ASCC2: variants seen among roughly 807,000 people sequenced by gnomAD.
ASCC2 encodes the protein activating signal cointegrator 1 complex subunit 2.
ASCC2 carries 42 observed loss-of-function variants against 93.5 expected under a neutral mutation model. The ratio of observed to expected loss-of-function variants is 0.45; its 90% confidence interval spans 0.35 to 0.58. The LOEUF (loss-of-function observed/expected upper bound fraction) is 0.58. Ranked by LOEUF, ASCC2 falls within the 20% of genes least tolerant of loss-of-function variation. The pLI is 0.00. For missense variants in ASCC2, 859 were observed against 977.6 expected (o/e 0.88, Z 1.62); for synonymous variants, 364 against 384.2 (o/e 0.95, Z 0.62).
intron 2 of ASCC2, among the ~76,000 whole-genome samples, chr22:29,831,843 G>A (rs983670989): frequency 3.9e-5 from 6 of 152,118 alleles, no homozygotes; most frequent in Admixed American, 6.6e-5. Context: ...TGAAATCAGC[G>A]TTCCCACCAA....
intron 5 of ASCC2, 139 bp from the exon 6 acceptor site, chr22:29,816,212 C>T (rs747148694): frequency 1.4e-5 from 10 of 724,622 alleles, no homozygotes; most frequent in Middle Eastern, 2.9e-4. Flanking sequence ...GGACCTAGGA[C>T]GAGTCCTGGC....
chr22:29,830,532 C>T (rs2062997866), intron 2 of ASCC2, among the ~76,000 whole-genome samples: 1 of 151,368 alleles, frequency 6.6e-6, no homozygotes, highest in South Asian at 2.1e-4. Flanking sequence ...AAGCCCTTTC[C>T]TTCAGGAAGC....
intron 1 of ASCC2, 149 bp from the exon 2 acceptor site, chr22:29,832,491 C>G (rs769045570): frequency 1.8e-6 from 1 of 569,264 alleles, no homozygotes; most frequent in East Asian, 2.9e-5. Context: ...GGTTCATGCA[C>G]CTACTAACCC....
At chr22:29,812,004 C>T (rs2060328156) in intron 8 of ASCC2, among the ~76,000 whole-genome samples, 1 of 152,216 alleles carries the variant, frequency 6.6e-6, no homozygotes, top group South Asian at 2.1e-4. Context: ...TGGACAGCTA[C>T]ATACCCCTCT....
rs774950302 is a variant in ASCC2 at position 29,793,688 on chromosome 22, C to G, written c.1689-12G>C. On this transcript the variant is annotated splice_polypyrimidine_tract_variant and intron_variant, in intron 15 of 19. Transcript: ENST00000307790. ...CCTCCTTCCTGGTGCTGAGAAGGAA[C>G]AGCAGAAAGAGAGGAAGGAAAACCA... 1 of 1,550,170 alleles carries G rather than the reference C, an allele frequency of 6.5e-7. No individual in the cohort carries two copies. Among genetic ancestry groups the G allele is most frequent in the South Asian group, 1.2e-5 (1 of 84,640 alleles).
At chr22:29,818,547 G>A (rs943409684) in intron 5 of ASCC2, among the ~76,000 whole-genome samples, 1 of 151,626 alleles carries the variant, frequency 6.6e-6, no homozygotes, top group African/African-American at 2.4e-5. Context: ...CCAAAGAAGG[G>A]GCTCTTCTTA....
intron 2 of ASCC2, among the ~76,000 whole-genome samples, chr22:29,831,386 G>T (rs1376162090): frequency 2.0e-5 from 3 of 152,202 alleles, no homozygotes; most frequent in Non-Finnish European, 4.4e-5. Flanking sequence ...CAATCAAAAT[G>T]TCTATTTGTA....
chr22:29,823,374 T>C (rs1014630850), intron 4 of ASCC2, among the ~76,000 whole-genome samples: 1 of 152,228 alleles, frequency 6.6e-6, no homozygotes, highest in African/African-American at 2.4e-5. Flanking sequence ...AAGCATGCTA[T>C]AAAACAATCA....
At chr22:29,821,267 C>T (rs1291139644) in intron 5 of ASCC2, among the ~76,000 whole-genome samples, 3 of 152,148 alleles carry the variant, frequency 2.0e-5, no homozygotes, top group Admixed American at 6.5e-5. Flanking sequence ...GGCTAATGTC[C>T]GTTCCTTTTG....
chr22:29,795,019 G>A (rs1024248225), intron 15 of ASCC2, among the ~76,000 whole-genome samples: 2 of 151,870 alleles, frequency 1.3e-5, no homozygotes, highest in Non-Finnish European at 2.9e-5. Context: ...CCGCCTCCTG[G>A]GCTCAAGCGA....
chr22:29,832,138 T>C (rs1267464447), intron 2 of ASCC2, 107 bp downstream of exon 2: 7 of 940,530 alleles, frequency 7.4e-6, no homozygotes, highest in Non-Finnish European at 8.2e-6. Context: ...TCACCGACCA[T>C]GGCCCTCGTG....
At chr22:29,820,763 C>T (rs1466035422) in intron 5 of ASCC2, among the ~76,000 whole-genome samples, 3 of 151,680 alleles carry the variant, frequency 2.0e-5, no homozygotes, top group African/African-American at 7.3e-5. Flanking sequence ...GGAGAAACCC[C>T]ATCTCTACTA....
intron 10 of ASCC2, 111 bp downstream of exon 10, chr22:29,806,686 T>C (rs899484745): frequency 7.0e-7 from 1 of 1,423,240 alleles, no homozygotes; most frequent in African/African-American, 1.4e-5. Flanking sequence ...TTCTCATCTC[T>C]GTTCAGCCAA....
At chr22:29,802,624 C>T (rs1454504741) in intron 13 of ASCC2, among the ~76,000 whole-genome samples, 1 of 151,824 alleles carries the variant, frequency 6.6e-6, no homozygotes, top group African/African-American at 2.4e-5. Context: ...CACAGCAAGA[C>T]CCCATCTGTT....
At chr22:29,822,254 C>G in intron 5 of ASCC2, 81 bp downstream of exon 5, 2 of 1,582,214 alleles carry the variant, frequency 1.3e-6, no homozygotes, top group Non-Finnish European at 1.7e-6. Flanking sequence ...TGGGCACTGT[C>G]AAAGCGCTGG....
rs371156571 is a variant in ASCC2, at chr22:29,792,438, G to A, written c.2017C>T (p.Pro673Ser). The A allele has an allele frequency of 1.9e-6, 3 of 1,613,820 alleles. No individual in the cohort carries two copies. The highest frequency in any genetic ancestry group is 2.7e-5 in the African/African-American group (2 of 74,904). Residue 673 changes from proline (P) to serine (S), a missense_variant, in exon 18 of 20, where the codon CCC becomes TCC. Physicochemically the swap from Pro to Ser is moderately conservative, Grantham distance 74 (BLOSUM62 -1). Transcript: ENST00000307790. The part of the protein sequence containing the change: ...DEEDDADEEA[P>S]KPDHFVQDPA... ...GCTACCTGCCAGGGAGGTACCTTGG[G>A]AGCCTCCTCGTCAGCATCGTCTTCC...
At chr22:29,813,338 C>T in intron 8 of ASCC2, 92 bp downstream of exon 8, 1 of 936,440 alleles carries the variant, frequency 1.1e-6, no homozygotes, top group Non-Finnish European at 1.7e-6. Context: ...ACATTCTAAG[C>T]ACCCAGTAAA....
intron 1 of ASCC2, among the ~76,000 whole-genome samples, chr22:29,835,018 G>A (rs2063602780): frequency 6.6e-6 from 1 of 152,072 alleles, no homozygotes; most frequent in Admixed American, 6.6e-5. Flanking sequence ...TGGAGAAAAA[G>A]TCAGGAGGAG....
Position 29,816,025 on chromosome 22 carries a change from GT to G in ASCC2, c.589del (p.Thr197ProfsTer36). Reference sequence around the variant, plus strand: ...TGGTACCTGAAGGATGGTAGGCAGGGTTTCATCCAGGTCACTGTAGTAACTT... The same window carrying G: ...TGGTACCTGAAGGATGGTAGGCAGGGTTCATCCAGGTCACTGTAGTAACTT... ...QPSYYSDLDETLPTILQVFSN... is the reference protein window; with the variant it reads ...QPSYYSDLDEXLPTILQVFSN... On this transcript the variant is annotated frameshift_variant, in exon 6 of 20. Transcript: ENST00000307790. LOFTEE classifies it high-confidence loss of function. The G allele has an allele frequency of 6.3e-7, 1 of 1,597,296 alleles. No homozygotes were observed. The highest frequency in any genetic ancestry group is 1.7e-5 in the Admixed American group (1 of 57,652).
Sources: gnomAD v4.1 joint callset for allele counts (sites outside exome capture counted in the v4.1 genomes callset) on GRCh38, gnomAD v4.1.1 for gene constraint, MANE v1.5 for transcripts, NCBI Gene and HGNC (gene_info 2026-07-23, HGNC 2026-07-21) for gene names.